FAM178B: variants seen among roughly 807,000 people sequenced by gnomAD.
FAM178B encodes family with sequence similarity 178 member B, also known as protein FAM178B.
FAM178B carries 82 observed loss-of-function variants against 91.7 expected under a neutral mutation model. The ratio of observed to expected loss-of-function variants is 0.89; its 90% CI spans 0.75 to 1.07. The LOEUF is 1.07. Among genes scored for constraint, FAM178B ranks in the 50% least tolerant of loss-of-function variants. The pLI is 0.00. For missense variants in FAM178B, 769 were observed against 846.7 expected, an observed-to-expected ratio of 0.91 and a Z score of 1.14; for synonymous variants, 368 against 359.4, an observed-to-expected ratio of 1.02 and a Z score of -0.27.
intron 12 of FAM178B, among the ~76,000 whole-genome samples, chr2:96,915,782 C>A (rs1444744299): frequency 1.3e-5 from 2 of 150,446 alleles, no homozygotes; most frequent in Non-Finnish European, 2.9e-5. Context: ...TGCCATTGCA[C>A]TCCAGCCTGG....
intron 6 of FAM178B, among the ~76,000 whole-genome samples, chr2:96,952,395 G>C (rs1392886814): frequency 6.6e-6 from 1 of 152,158 alleles, no homozygotes; most frequent in South Asian, 2.1e-4. Flanking sequence ...TTCCAGGGAT[G>C]GGGGCGTGCT....
At chr2:96,908,883 C>T (rs577156472) in intron 12 of FAM178B, among the ~76,000 whole-genome samples, 32 of 152,212 alleles carry the variant, frequency 2.1e-4, no homozygotes, top group South Asian at 1.7e-3. Context: ...CAGTGGCTCT[C>T]GCCTGTAACC....
At chr2:96,932,352 G>C (rs571026275) in intron 8 of FAM178B, among the ~76,000 whole-genome samples, 2 of 152,368 alleles carry the variant, frequency 1.3e-5, no homozygotes, top group African/African-American at 4.8e-5. Context: ...CAGAGGAGGG[G>C]CCTGGGAGGC....
intron 1 of FAM178B, among the ~76,000 whole-genome samples, chr2:96,977,122 G>T (rs1220399635): frequency 6.7e-6 from 1 of 149,504 alleles, no homozygotes; most frequent in African/African-American, 2.5e-5. Flanking sequence ...TTGAACCCGG[G>T]AGGCAGAGGT....
At chr2:96,896,119 T>TG (rs1445803036) in intron 13 of FAM178B, among the ~76,000 whole-genome samples, 1 of 152,258 alleles carries the variant, frequency 6.6e-6, no homozygotes, top group East Asian at 1.9e-4. Flanking sequence ...AAGCATAGGG[T>TG]CAGGCTCTGC....
chr2:96,950,761 G>A (rs1023787418), intron 7 of FAM178B, among the ~76,000 whole-genome samples: 6 of 152,216 alleles, frequency 3.9e-5, no homozygotes, highest in Admixed American at 2.6e-4. Flanking sequence ...AAACGCTCTA[G>A]CAGCAACCAG....
At chr2:96,970,932 C>T (rs940658227) in intron 3 of FAM178B, among the ~76,000 whole-genome samples, 155 bp from the exon 4 acceptor site, 2 of 152,020 alleles carry the variant, frequency 1.3e-5, no homozygotes, top group South Asian at 2.1e-4. Context: ...AGTATAAAGG[C>T]GCAGGGTAAA....
intron 4 of FAM178B, 32 bp from the exon 5 acceptor site, chr2:96,967,659 C>A (rs1391552355): frequency 6.9e-7 from 1 of 1,444,188 alleles, no homozygotes; most frequent in Admixed American, 2.0e-5. Flanking sequence ...AGCCGGGGGT[C>A]AGTGTTGTTC....
rs778813455 is a variant in FAM178B, at chr2:96,972,127, G to A, written c.338C>T (p.Pro113Leu). ...GETFPTDWSP[P>L]PVEFLNPRVL... Reference sequence around the variant, plus strand: ...CCTCGGGTTGAGGAATTCCACGGGCGGGGGGCTCCAGTCAGTGGGAAACGT... The same window carrying A: ...CCTCGGGTTGAGGAATTCCACGGGCAGGGGGCTCCAGTCAGTGGGAAACGT... Residue 113 changes from proline to leucine, a missense_variant, in exon 3 of 17, where the codon CCG becomes CTG. Coordinates refer to ENST00000490605, the MANE Select transcript of FAM178B (RefSeq NM_001122646.3). 15 of 1,528,834 alleles carry A rather than the reference G, an allele frequency of 9.8e-6. 1 individual carries two copies. The highest frequency in any genetic ancestry group is 1.7e-4 in the Middle Eastern group (1 of 5,850). 94.7% of individuals were successfully genotyped at this position (1,528,834 alleles called of 1,614,324 possible).
At chr2:96,902,776 A>AC in intron 12 of FAM178B, 69 bp from the exon 13 acceptor site, 1 of 1,192,780 alleles carries the variant, frequency 8.4e-7, no homozygotes, top group Non-Finnish European at 1.2e-6. Flanking sequence ...GGGGCAGGAT[A>AC]CCCATGGAGA....
chr2:96,924,872 T>C (rs565530236), intron 9 of FAM178B, among the ~76,000 whole-genome samples: 23 of 152,132 alleles, frequency 1.5e-4, no homozygotes, highest in Admixed American at 9.8e-4. Context: ...CTACAGCTCC[T>C]GTGAAGTCTC....
chr2:96,909,786 C>T (rs1047452079), intron 12 of FAM178B, among the ~76,000 whole-genome samples: 6 of 152,294 alleles, frequency 3.9e-5, no homozygotes, highest in Admixed American at 6.5e-5. Flanking sequence ...CTGGGATCTT[C>T]GGTCTGCTGT....
At chr2:96,906,028 G>A (rs572120855) in intron 12 of FAM178B, among the ~76,000 whole-genome samples, 74 of 140,346 alleles carry the variant, frequency 5.3e-4, no homozygotes, top group South Asian at 3.0e-3. Flanking sequence ...GTGCTACCAC[G>A]CCCAGCTAAT....
chr2:96,880,909 C>T (rs1006544035), intron 14 of FAM178B, among the ~76,000 whole-genome samples: 2 of 151,716 alleles, frequency 1.3e-5, no homozygotes, highest in African/African-American at 2.4e-5. Flanking sequence ...TTTTTTTTAA[C>T]AAGATACTGC....
At chr2:96,884,944 C>T (rs750716095) in intron 14 of FAM178B, among the ~76,000 whole-genome samples, 44 of 152,362 alleles carry the variant, frequency 2.9e-4, no homozygotes, top group Admixed American at 2.7e-3. Flanking sequence ...GGAAATGAGG[C>T]GGGTGACCTA....
intron 1 of FAM178B, among the ~76,000 whole-genome samples, chr2:96,982,367 A>T (rs1039583577): frequency 2.0e-5 from 3 of 152,060 alleles, no homozygotes; most frequent in African/African-American, 7.2e-5. Context: ...GCGTCAAGTC[A>T]TCCTCCCACC....
chr2:96,906,469 G>A (rs1432058715), intron 12 of FAM178B, among the ~76,000 whole-genome samples: 2 of 152,086 alleles, frequency 1.3e-5, no homozygotes, highest in Non-Finnish European at 2.9e-5. Flanking sequence ...GACTGTGAAG[G>A]CCTGATGTGA....
At chr2:96,915,329 G>A (rs2153370357) in intron 12 of FAM178B, among the ~76,000 whole-genome samples, 1 of 151,320 alleles carries the variant, frequency 6.6e-6, no homozygotes, top group African/African-American at 2.4e-5. Flanking sequence ...TGTTGGCCAG[G>A]CTGGTCTTGA....
At chr2:96,923,352 C>T (rs952531328) in intron 10 of FAM178B, 138 bp downstream of exon 10, 7 of 669,328 alleles carry the variant, frequency 1.0e-5, no homozygotes, top group Middle Eastern at 2.4e-4. Context: ...CTGTAGCATC[C>T]GGCCCACAGC....
Sources: gnomAD v4.1 joint callset for allele counts (sites outside exome capture counted in the v4.1 genomes callset) on GRCh38, gnomAD v4.1.1 for gene constraint, MANE v1.5 for transcripts, NCBI Gene and HGNC (gene_info 2026-07-23, HGNC 2026-07-21) for gene names.